Variants in ZMYM5 observed in about 807,000 individuals in gnomAD.
ZMYM5 encodes zinc finger MYM-type containing 5, also known as zinc finger MYM-type protein 5.
Under a neutral mutation model 61.8 loss-of-function variants are expected in ZMYM5, and 41 were observed. The observed-to-expected ratio is 0.66, with a 90% CI of 0.52 to 0.86. The LOEUF (loss-of-function observed/expected upper bound fraction) is 0.86, where lower values mean the gene tolerates loss of function less well. Among genes scored for constraint, ZMYM5 ranks in the 40% least tolerant of loss-of-function variants. The probability of loss-of-function intolerance (pLI) is 0.00; values close to 1 mark genes in which losing one functional copy is unlikely to be tolerated. For synonymous variants in ZMYM5, 257 were observed against 276.4 expected (o/e 0.93, Z 0.70); for missense variants, 706 against 786.7 (o/e 0.90, Z 1.23).
intron 4 of ZMYM5, among the ~76,000 whole-genome samples, chr13:19,848,612 C>A (rs184307805): frequency 1.3e-5 from 2 of 151,782 alleles, no homozygotes; most frequent in Admixed American, 6.6e-5. Flanking sequence ...GGGCTCACTG[C>A]AACCTCTGCC....
At chr13:19,837,506 T>G (rs777337868) in intron 6 of ZMYM5, 150 bp downstream of exon 6, 46 of 1,594,476 alleles carry the variant, frequency 2.9e-5, no homozygotes, top group Non-Finnish European at 3.8e-5. Context: ...TCCCATAAGA[T>G]AGTTCTAACA....
chr13:19,837,010 G>T (rs1347603461), intron 6 of ZMYM5, among the ~76,000 whole-genome samples: 3 of 148,840 alleles, frequency 2.0e-5, no homozygotes, highest in African/African-American at 7.5e-5. Flanking sequence ...TGTTAGATGG[G>T]TATGTTGTTT....
At chr13:19,837,461 C>T (rs1004116135) in intron 6 of ZMYM5, 195 bp downstream of exon 6, 10 of 1,569,842 alleles carry the variant, frequency 6.4e-6, no homozygotes, top group South Asian at 3.6e-5. Flanking sequence ...TGTGTACTTT[C>T]CATGCTATGC....
At chr13:19,859,995 TC>T (rs1953670507) in intron 2 of ZMYM5, among the ~76,000 whole-genome samples, 1 of 140,180 alleles carries the variant, frequency 7.1e-6, no homozygotes, top group African/African-American at 2.7e-5. Context: ...TCTCAGCTAC[TC>T]AGGAGGCTGA....
intron 4 of ZMYM5, among the ~76,000 whole-genome samples, chr13:19,844,137 C>CAAAA (rs1228066138): frequency 6.1e-5 from 4 of 65,534 alleles, no homozygotes; most frequent in South Asian, 5.2e-4. Context: ...GACTCCGTCT[C>CAAAA]AAAAAAAAAA....
intron 4 of ZMYM5, among the ~76,000 whole-genome samples, chr13:19,844,137 CAAAAA>C (rs1228066138): frequency 3.1e-5 from 2 of 65,538 alleles, no homozygotes; most frequent in African/African-American, 1.0e-4. Context: ...GACTCCGTCT[CAAAAA>C]AAAAAAAAAA....
chr13:19,835,768 G>A, intron 6 of ZMYM5, 79 bp from the exon 7 acceptor site: 5 of 1,034,382 alleles, frequency 4.8e-6, no homozygotes, highest in Non-Finnish European at 5.3e-6. Flanking sequence ...ACTAGTTTCT[G>A]CAATAGAAGC....
intron 2 of ZMYM5, among the ~76,000 whole-genome samples, chr13:19,854,159 G>A (rs185125441): frequency 7.9e-4 from 120 of 152,142 alleles, no homozygotes; most frequent in Middle Eastern, 6.8e-3. Context: ...ACAGGCGTGC[G>A]CCACCATGCC....
intron 2 of ZMYM5, among the ~76,000 whole-genome samples, chr13:19,858,816 T>C (rs1410790744): frequency 6.6e-6 from 1 of 152,106 alleles, no homozygotes; most frequent in Non-Finnish European, 1.5e-5. Flanking sequence ...ATTTCCACTG[T>C]AGGCTCAGAA....
At chr13:19,826,522 C>T (rs749808601) in intron 7 of ZMYM5, among the ~76,000 whole-genome samples, 73 of 151,782 alleles carry the variant, frequency 4.8e-4, no homozygotes, top group Non-Finnish European at 8.5e-4. Flanking sequence ...TTTGGGAGGC[C>T]GAGGTGGGGG....
At chr13:19,838,588 A>T in intron 5 of ZMYM5, 112 bp downstream of exon 5, 1 of 1,331,896 alleles carries the variant, frequency 7.5e-7, no homozygotes, top group South Asian at 1.4e-5. Flanking sequence ...ACTTGAAGAC[A>T]CTCCTGCAAC....
At chr13:19,861,251 C>T (rs973399098) in intron 2 of ZMYM5, among the ~76,000 whole-genome samples, 7 of 152,100 alleles carry the variant, frequency 4.6e-5, no homozygotes, top group Non-Finnish European at 8.8e-5. Flanking sequence ...TGAACTCAAG[C>T]GATCCTCCCA....
Position 19,824,734 on chromosome 13 carries a change from T to C in ZMYM5, c.1753A>G (p.Lys585Glu), listed in dbSNP as rs1890824125. 1 of 1,360,378 alleles carries C rather than the reference T, an allele frequency of 7.4e-7. No individual in the cohort carries two copies. Among genetic ancestry groups the C allele is most frequent in the Admixed American group, 2.0e-5 (1 of 51,154 alleles). The allele number at this position is 1,360,378 out of a possible 1,614,324, so 84.3% of individuals were successfully genotyped here. A position where few individuals can be genotyped will look rare whatever the true frequency, so the allele number is the denominator to read the frequency against. Residue 585 changes from lysine to glutamate, a missense_variant, in exon 8 of 8, where the codon AAA becomes GAA. Coordinates refer to ENST00000337963, the MANE Select transcript of ZMYM5 (RefSeq NM_001142684.2). ...CAATATAGACAAAACACAGAATCTT[T>C]TGAGGTTGAATAAAGTAACCAGGAT... The part of the protein sequence containing the change: ...TRSWLLYSTS[K>E]DSVFCLYCKL...
At chr13:19,853,577 GCCA>G (rs1953390941) in intron 2 of ZMYM5, among the ~76,000 whole-genome samples, 1 of 151,220 alleles carries the variant, frequency 6.6e-6, no homozygotes. Flanking sequence ...ACAGGAATGA[GCCA>G]CCACAACAGG....
At chr13:19,833,852 T>C (rs1253425352) in intron 7 of ZMYM5, among the ~76,000 whole-genome samples, 1 of 151,968 alleles carries the variant, frequency 6.6e-6, no homozygotes, top group African/African-American at 2.4e-5. Context: ...TGAAAGAAAA[T>C]CTTCCGGCCA....
At chr13:19,849,109 T>C (rs1953188773) in intron 4 of ZMYM5, among the ~76,000 whole-genome samples, 1 of 152,068 alleles carries the variant, frequency 6.6e-6, no homozygotes, top group Non-Finnish European at 1.5e-5. Flanking sequence ...ACAAATATTT[T>C]GTGGTTACTA....
intron 2 of ZMYM5, among the ~76,000 whole-genome samples, chr13:19,860,784 G>A (rs1403986720): frequency 1.3e-5 from 2 of 150,716 alleles, no homozygotes; most frequent in Non-Finnish European, 2.9e-5. Flanking sequence ...AAGCTTAGTG[G>A]CAAAAAGGAA....
At position 19,860,377 on chromosome 13, in the gene ZMYM5, C is replaced by T. The variant is rs1228652600; in HGVS notation, c.-11+2022G>A. ...GCACAATCTCGGCTCACCATAACCT[C>T]TGCCTCTCAAGTAGCTGGTATTACA... On this transcript the variant is annotated intron_variant, in intron 2 of 7. Coordinates refer to ENST00000337963, the MANE Select transcript of ZMYM5 (RefSeq NM_001142684.2). Among the ~76,000 whole-genome samples, 22 of 151,014 alleles carry T rather than the reference C, an allele frequency of 1.5e-4. No homozygotes were observed. The South Asian group carries it at 4.4e-3, about 30-fold the overall frequency.
At chr13:19,834,180 G>A (rs1036898654) in intron 7 of ZMYM5, among the ~76,000 whole-genome samples, 1 of 152,074 alleles carries the variant, frequency 6.6e-6, no homozygotes, top group Non-Finnish European at 1.5e-5. Flanking sequence ...GTTTCGCCAC[G>A]TTGGTCAGGC....
Sources: gnomAD v4.1 joint callset for allele counts (sites outside exome capture counted in the v4.1 genomes callset) on GRCh38, gnomAD v4.1.1 for gene constraint, MANE v1.5 for transcripts, NCBI Gene and HGNC (gene_info 2026-07-23, HGNC 2026-07-21) for gene names.